SLC45A4: variants seen among roughly 807,000 people sequenced by gnomAD.
The protein encoded by SLC45A4 is polyamine-transporter SLC45A4.
A neutral mutation model predicts 63.7 loss-of-function variants in SLC45A4; 32 were observed. The observed-to-expected ratio is 0.50, with a 90% CI of 0.38 to 0.67. The LOEUF (loss-of-function observed/expected upper bound fraction) is 0.67. SLC45A4 is among the 30% of genes least tolerant of loss of function. The pLI is 0.00. For synonymous variants in SLC45A4, 535 were observed against 510.0 expected, an observed-to-expected ratio of 1.05 and a Z score of -0.66; for missense variants, 1,027 against 1,157.7, an observed-to-expected ratio of 0.89 and a Z score of 1.64.
intron 2 of SLC45A4, among the ~76,000 whole-genome samples, chr8:141,240,024 C>CA (rs1450239820): frequency 2.6e-4 from 39 of 152,324 alleles, no homozygotes; most frequent in African/African-American, 8.7e-4. Context: ...CTTCCAGCTA[C>CA]AACAAACCGT....
At chr8:141,300,848 G>A (rs1423277657) in intron 1 of SLC45A4, among the ~76,000 whole-genome samples, 6 of 152,200 alleles carry the variant, frequency 3.9e-5, no homozygotes, top group Admixed American at 1.3e-4. Flanking sequence ...TTAACACTGC[G>A]CATTTAGAAA....
intron 1 of SLC45A4, among the ~76,000 whole-genome samples, chr8:141,264,259 G>A (rs543016536): frequency 4.8e-4 from 73 of 152,274 alleles, no homozygotes; most frequent in African/African-American, 1.7e-3. Context: ...GCATCTCCCG[G>A]TGGCCCTCTG....
chr8:141,238,181 CT>C (rs1827724432), intron 2 of SLC45A4, among the ~76,000 whole-genome samples: 1 of 152,240 alleles, frequency 6.6e-6, no homozygotes, highest in Non-Finnish European at 1.5e-5. Flanking sequence ...CCCTCTCCCA[CT>C]GGACTAGAGT....
At chr8:141,231,243 G>A (rs531771609) in intron 2 of SLC45A4, among the ~76,000 whole-genome samples, 1 of 152,362 alleles carries the variant, frequency 6.6e-6, no homozygotes, top group Admixed American at 6.5e-5. Context: ...AGCCAGGCCG[G>A]GAAGGCCTTG....
chr8:141,299,813 G>C (rs1440943927), intron 1 of SLC45A4, among the ~76,000 whole-genome samples: 1 of 152,182 alleles, frequency 6.6e-6, no homozygotes, highest in Non-Finnish European at 1.5e-5. Context: ...TCTTTTAAGA[G>C]ACTGAAACAT....
intron 5 of SLC45A4, among the ~76,000 whole-genome samples, chr8:141,217,692 A>G (rs1006582099): frequency 6.6e-6 from 1 of 152,206 alleles, no homozygotes; most frequent in African/African-American, 2.4e-5. Flanking sequence ...ACAGCAGGCC[A>G]TTATCTTAGC....
At chr8:141,225,564 C>G (rs919180029) in intron 2 of SLC45A4, 2 of 152,708 alleles carry the variant, frequency 1.3e-5, no homozygotes, top group African/African-American at 4.8e-5. Context: ...CCCACCTAAT[C>G]TAGAGGAGGC....
At position 141,254,594 on chromosome 8, in the gene SLC45A4, G is replaced by T. The variant is rs1005239288; in HGVS notation, c.-365C>A. On this transcript the variant is annotated 5_prime_UTR_variant, in exon 2 of 9. Coordinates refer to ENST00000517878, the MANE Select transcript of SLC45A4 (RefSeq NM_001286646.2). This position sits in a 1 kb window ranked among gnomAD's most constrained non-coding sequence, Gnocchi z 4.5. The stretch of plus-strand genomic sequence containing the variant: ...AGGTGGGAAGGTGATACAAACAGGT[G>T]GTCCGCTGGTAATCCCCATCGAGTG... 37 of 701,958 alleles carry T rather than the reference G, an allele frequency of 5.3e-5. No homozygotes were observed. The highest frequency in any genetic ancestry group is 4.7e-4 in the African/African-American group (27 of 57,236). 43.5% of individuals were successfully genotyped at this position (701,958 alleles called of 1,614,324 possible).
chr8:141,276,374 C>T (rs1325178742), intron 1 of SLC45A4, among the ~76,000 whole-genome samples: 4 of 152,156 alleles, frequency 2.6e-5, no homozygotes, highest in South Asian at 2.1e-4. Context: ...GTTTGCGATG[C>T]GAGCAGCTCC....
At chr8:141,211,862 G>C (rs77742931) in intron 8 of SLC45A4, 165 bp from the exon 9 acceptor site, 15,011 of 1,266,728 alleles carry the variant, frequency 0.012, 94 homozygotes, top group Non-Finnish European at 0.014. Context: ...CTATATAAAT[G>C]TTTTATATCA....
intron 1 of SLC45A4, among the ~76,000 whole-genome samples, chr8:141,266,080 G>C (rs1334261220): frequency 1.3e-5 from 2 of 152,158 alleles, no homozygotes; most frequent in African/African-American, 4.8e-5. Flanking sequence ...CACACCTCAA[G>C]CTTGGGTGAA....
In SLC45A4 at chr8:141,221,745, T is replaced by C; in HGVS notation, c.262A>G (p.Ser88Gly). Residue 88 changes from serine to glycine, a missense_variant, in exon 3 of 9, where the codon AGC (serine) becomes GGC (glycine). Physicochemically the swap from Ser to Gly is moderately conservative, Grantham distance 56 (BLOSUM62 0). Transcript: ENST00000517878. Reference sequence around the variant, plus strand: ...ATGGGGCTCAGGAACCAGGTGAGGCTGTAGTACTGCTCCGGAAGGCCTGCA... The same window carrying C: ...ATGGGGCTCAGGAACCAGGTGAGGCCGTAGTACTGCTCCGGAAGGCCTGCA... ...LQIGLPEQYY[S>G]LTWFLSPILG... 6.2e-7 allele frequency: 1 copy of C among 1,613,896 alleles called. No homozygotes were observed. The highest frequency in any genetic ancestry group is 2.2e-5 in the East Asian group (1 of 44,892).
At chr8:141,238,289 T>C (rs575531477) in intron 2 of SLC45A4, among the ~76,000 whole-genome samples, 8 of 151,306 alleles carry the variant, frequency 5.3e-5, no homozygotes, top group Non-Finnish European at 4.4e-5. Flanking sequence ...AAGTCGCCCC[T>C]TTTTTTTTCA....
At chr8:141,293,935 G>GAA in intron 1 of SLC45A4, among the ~76,000 whole-genome samples, 1 of 92,978 alleles carries the variant, frequency 1.1e-5, no homozygotes, top group East Asian at 2.8e-4. Flanking sequence ...TCTATCTCAA[G>GAA]AAAAAAAAAA....
At position 141,211,398 on chromosome 8, in the gene SLC45A4, C is replaced by G; in HGVS notation, c.*174G>C. 1 of 1,526,622 alleles carries G rather than the reference C, an allele frequency of 6.6e-7. No individual in the cohort carries two copies. The highest frequency in any genetic ancestry group is 8.8e-7 in the Non-Finnish European group (1 of 1,139,948). The allele number at this position is 1,526,622 out of a possible 1,614,324, so 94.6% of individuals were successfully genotyped here. A position where few individuals can be genotyped will look rare whatever the true frequency, so the allele number is the denominator to read the frequency against. On this transcript the variant is annotated 3_prime_UTR_variant, in exon 9 of 9. Transcript: ENST00000517878. ...CTCACGCTCCGCCCCCAGGTGGTGC[C>G]CAGCCCATCCCTGGGCAGGGTGTCT...
intron 1 of SLC45A4, among the ~76,000 whole-genome samples, chr8:141,264,602 T>A (rs1287169654): frequency 6.6e-6 from 1 of 152,222 alleles, no homozygotes; most frequent in African/African-American, 2.4e-5. Flanking sequence ...TGAGATTCCA[T>A]TAATGTTATA....
intron 2 of SLC45A4, among the ~76,000 whole-genome samples, chr8:141,223,784 C>T (rs369899462): frequency 5.9e-5 from 9 of 152,328 alleles, no homozygotes; most frequent in African/African-American, 1.7e-4. Flanking sequence ...CATGCACTCA[C>T]GAGAGACCGT....
intron 1 of SLC45A4, among the ~76,000 whole-genome samples, chr8:141,295,600 A>G (rs1177066844): frequency 6.6e-6 from 1 of 152,178 alleles, no homozygotes; most frequent in African/African-American, 2.4e-5. Flanking sequence ...ACAACACAGC[A>G]CCCAGGGGGA....
intron 1 of SLC45A4, among the ~76,000 whole-genome samples, chr8:141,265,672 C>A (rs1589831524): frequency 6.6e-6 from 1 of 152,256 alleles, no homozygotes; most frequent in Non-Finnish European, 1.5e-5. Flanking sequence ...TTCCCCAGCA[C>A]AGGCAATCCT....
Sources: gnomAD v4.1 joint callset for allele counts (sites outside exome capture counted in the v4.1 genomes callset) on GRCh38, gnomAD v4.1.1 for gene constraint, Gnocchi (gnomAD v3.1) non-coding constraint, MANE v1.5 for transcripts, NCBI Gene and HGNC (gene_info 2026-07-23, HGNC 2026-07-21) for gene names.